IL15RA: variants seen among roughly 807,000 people sequenced by gnomAD.
The protein encoded by IL15RA is interleukin 15 receptor subunit alpha, also known as interleukin-15 receptor subunit alpha.
A neutral mutation model predicts 24.2 loss-of-function variants in IL15RA; 26 were observed. The observed-to-expected ratio is 1.07, with a 90% CI of 0.79 to 1.49. The LOEUF (loss-of-function observed/expected upper bound fraction) is 1.49, where lower values mean the gene tolerates loss of function less well. IL15RA is among the 40% of genes most tolerant of loss of function. IL15RA has a pLI of 0.00. For synonymous variants in IL15RA, 166 were observed against 157.6 expected (o/e 1.05, Z -0.40); for missense variants, 354 against 356.4 (o/e 0.99, Z 0.05).
rs1459742343 is a variant in IL15RA at position 5,956,305 on chromosome 10, G to A, written c.692+74C>T. 7.4e-6 allele frequency: 9 copies of A among 1,214,592 alleles called. No homozygotes were observed. In the Admixed American group the frequency reaches 9.0e-5, roughly 12 times the overall value. 75.2% of individuals were successfully genotyped at this position (1,214,592 alleles called of 1,614,324 possible). A position where few individuals can be genotyped will look rare whatever the true frequency, so the allele number is the denominator to read the frequency against. On this transcript the variant is annotated intron_variant, in intron 6 of 6. Transcript: ENST00000379977. ...GCTGGAATTCCAGGCGTGAGCTACC[G>A]CGCCCGGCCAGGTGCAGCTCTTTTC...
In IL15RA at chr10:5,960,610, T is replaced by TCCCC; in HGVS notation, c.383-47_383-44dup. The TCCCC allele has an allele frequency of 6.5e-7, 1 of 1,530,406 alleles. No homozygotes were observed. Among genetic ancestry groups the TCCCC allele is most frequent in the Non-Finnish European group, 9.0e-7 (1 of 1,109,220 alleles). The allele number at this position is 1,530,406 out of a possible 1,614,324, so 94.8% of individuals were successfully genotyped here. On this transcript the variant is annotated intron_variant, in intron 3 of 6. Coordinates refer to ENST00000379977, the MANE Select transcript of IL15RA (RefSeq NM_002189.4). This position sits in a 1 kb window ranked among gnomAD's most constrained non-coding sequence, Gnocchi z 5.1. ...GCAGGGACAACATCAGTGTGCAGAC[T>TCCCC]CCCCTCCTCTCAGCTGCAGCACGGG...
At chr10:5,956,873 C>T (rs1834602941) in intron 5 of IL15RA, among the ~76,000 whole-genome samples, 1 of 152,170 alleles carries the variant, frequency 6.6e-6, no homozygotes, top group Non-Finnish European at 1.5e-5. Context: ...CAGTACAACG[C>T]CCACTTTGCT....
chr10:5,949,234 CT>C (rs1833700688), downstream of IL15RA: 1 of 471,142 alleles, frequency 2.1e-6, no homozygotes, highest in Non-Finnish European at 4.4e-6. The surrounding 1 kb of genome is among the most constrained non-coding windows in gnomAD (Gnocchi z 4.4). Context: ...TCACTTTTCT[CT>C]GTGAGCTGCA....
In IL15RA at chr10:5,963,788, C is replaced by T; in HGVS notation, c.337G>A (p.Ala113Thr). 1.3e-6 allele frequency: 2 copies of T among 1,534,308 alleles called. No individual in the cohort carries two copies. Among genetic ancestry groups the T allele is most frequent in the Non-Finnish European group, 1.7e-6 (2 of 1,152,712 alleles). ...CTCTCTGGCTGTGGGGTCACCCCTGCCGTCGTTACTGTGGAGGGTGGCGCT... is the reference window on the plus strand; with the variant it reads ...CTCTCTGGCTGTGGGGTCACCCCTGTCGTCGTTACTGTGGAGGGTGGCGCT... The part of the protein sequence containing the change: ...RPAPPSTVTT[A>T]GVTPQPESLS... Residue 113 changes from alanine (A) to threonine (T), a missense_variant, in exon 3 of 7, where the codon GCA (alanine) becomes ACA (threonine). Transcript: ENST00000379977. This position sits in a 1 kb window ranked among gnomAD's most constrained non-coding sequence, Gnocchi z 5.3.
At chr10:5,956,484 C>T in intron 5 of IL15RA, 30 bp from the exon 6 acceptor site, 1 of 1,534,420 alleles carries the variant, frequency 6.5e-7, no homozygotes, top group Non-Finnish European at 9.0e-7. Context: ...GCTGAGATAC[C>T]CAGAAGCACA....
rs62626306 is a variant in IL15RA, at chr10:5,970,588, T to G, written c.89-4249A>C. The stretch of plus-strand genomic sequence containing the variant: ...GTTAATGTTTGAATGTACAAGGATA[T>G]CAATGTACTACAGCCAATCCAACCA... On this transcript the variant is annotated intron_variant, in intron 1 of 6. Transcript: ENST00000379977. This position sits in a 1 kb window ranked among gnomAD's most constrained non-coding sequence, Gnocchi z 4.1. Among the ~76,000 whole-genome samples the G allele has an allele frequency of 2.2e-4, 33 of 152,244 alleles. No homozygotes were observed. Among genetic ancestry groups the G allele is most frequent in the Non-Finnish European group, 4.3e-4 (29 of 68,016 alleles).
Position 5,955,319 on chromosome 10 carries a change from G to A in IL15RA, c.692+1060C>T, listed in dbSNP as rs1462328123. On this transcript the variant is annotated intron_variant, in intron 6 of 6. Transcript: ENST00000379977. This position sits in a 1 kb window ranked among gnomAD's most constrained non-coding sequence, Gnocchi z 5.3. ...TCTCCATGTTGGTCAGGCTGGTCTC[G>A]AACTCCTGACCTCACGCGATCTGCC... Among the ~76,000 whole-genome samples the A allele has an allele frequency of 6.6e-5, 10 of 151,972 alleles. No homozygotes were observed. Among genetic ancestry groups the A allele is most frequent in the Non-Finnish European group, 1.2e-4 (8 of 67,982 alleles).
intron 5 of IL15RA, among the ~76,000 whole-genome samples, chr10:5,957,493 C>A (rs139745513): frequency 0.015 from 2,300 of 151,880 alleles, 43 homozygotes; most frequent in South Asian, 0.061. Flanking sequence ...GCAGGCTGGT[C>A]TTGAACTCCT....
At position 5,961,272 on chromosome 10, in the gene IL15RA, C is replaced by T. The variant is rs1049927656; in HGVS notation, c.383-705G>A. Among the ~76,000 whole-genome samples, 2 of 152,104 alleles carry T rather than the reference C, an allele frequency of 1.3e-5. No individual in the cohort carries two copies. Among genetic ancestry groups the T allele is most frequent in the African/African-American group, 4.8e-5 (2 of 41,426 alleles). ...CGATAAATTATCCAGGTGTGGTGGG[C>T]ATGTGCCTATAGTTCCAGCTATCTG... On this transcript the variant is annotated intron_variant, in intron 3 of 6. Transcript: ENST00000379977. The surrounding 1 kb of genome is among the most constrained non-coding windows in gnomAD (Gnocchi z 5.2).
chr10:5,968,267 C>A lies in IL15RA; in HGVS notation c.89-1928G>T, dbSNP rs1256289885. Among the ~76,000 whole-genome samples the A allele has an allele frequency of 1.3e-5, 2 of 152,126 alleles. No homozygotes were observed. The highest frequency in any genetic ancestry group is 2.9e-5 in the Non-Finnish European group (2 of 68,024). On this transcript the variant is annotated intron_variant, in intron 1 of 6. Transcript: ENST00000379977. This position sits in a 1 kb window ranked among gnomAD's most constrained non-coding sequence, Gnocchi z 5.4. ...TAAGTCCACACAAAAACATCCCAAA[C>A]CTCACTAACACATCCCTGTTAGAAT...
At chr10:5,956,957 A>ATTTTT (rs767909938) in intron 5 of IL15RA, among the ~76,000 whole-genome samples, 3 of 127,678 alleles carry the variant, frequency 2.3e-5, no homozygotes, top group Non-Finnish European at 3.2e-5. Flanking sequence ...TTCACTTGCA[A>ATTTTT]TTTTTTTTTT....
At chr10:5,950,446 G>C (rs1164519666), downstream of IL15RA, among the ~76,000 whole-genome samples, 1 of 152,168 alleles carries the variant, frequency 6.6e-6, no homozygotes, top group African/African-American at 2.4e-5. The surrounding 1 kb of genome is among the most constrained non-coding windows in gnomAD (Gnocchi z 5.6). Flanking sequence ...GCACCTGGCA[G>C]ATGCTGACCT....
At position 5,967,181 on chromosome 10, in the gene IL15RA, G is replaced by GCCTTGCCTTACCTTGCCTTA. The variant is rs200373854; in HGVS notation, c.89-862_89-843dup. ...GCAAGATCGGGCCTTGCCTTGTCTT[G>GCCTTGCCTTACCTTGCCTTA]CCTTGCCTTACCTTGCCTTACCTTG... On this transcript the variant is annotated intron_variant, in intron 1 of 6. Coordinates refer to ENST00000379977, the MANE Select transcript of IL15RA (RefSeq NM_002189.4). This position sits in a 1 kb window ranked among gnomAD's most constrained non-coding sequence, Gnocchi z 4.4. Among the ~76,000 whole-genome samples the GCCTTGCCTTACCTTGCCTTA allele has an allele frequency of 6.6e-5, 10 of 152,094 alleles. No individual in the cohort carries two copies. The highest frequency in any genetic ancestry group is 1.2e-4 in the Non-Finnish European group (8 of 68,040).
In IL15RA at chr10:5,968,943, G is replaced by A. The variant is rs771554089; in HGVS notation, c.89-2604C>T. The A allele has an allele frequency of 3.3e-6, 5 of 1,534,054 alleles. No homozygotes were observed. Among genetic ancestry groups the A allele is most frequent in the Non-Finnish European group, 4.4e-6 (5 of 1,145,512 alleles). On this transcript the variant is annotated intron_variant, in intron 1 of 6. Coordinates refer to ENST00000379977, the MANE Select transcript of IL15RA (RefSeq NM_002189.4). This position sits in a 1 kb window ranked among gnomAD's most constrained non-coding sequence, Gnocchi z 5.4. Reference sequence around the variant, plus strand: ...GTCTCTTGCATCTGTAACAGGTTTTGTACAGGAAGTGTTCCCTGCCCATTT... The same window carrying A: ...GTCTCTTGCATCTGTAACAGGTTTTATACAGGAAGTGTTCCCTGCCCATTT...
Position 5,970,885 on chromosome 10 carries a change from C to T in IL15RA, c.89-4546G>A, listed in dbSNP as rs1038480671. On this transcript the variant is annotated intron_variant, in intron 1 of 6. Coordinates refer to ENST00000379977, the MANE Select transcript of IL15RA (RefSeq NM_002189.4). The surrounding 1 kb of genome is among the most constrained non-coding windows in gnomAD (Gnocchi z 4.1). ...AAGCAATCCTCCTGCCTCAGCCTCC[C>T]GAGTAGCTGGGACTAGAGGCACATG... Among the ~76,000 whole-genome samples, 6 of 151,968 alleles carry T rather than the reference C, an allele frequency of 3.9e-5. No individual in the cohort carries two copies. Among genetic ancestry groups the T allele is most frequent in the South Asian group, 2.1e-4 (1 of 4,820 alleles).
chr10:5,949,529 A>T (rs981843037), downstream of IL15RA, among the ~76,000 whole-genome samples: 9 of 152,192 alleles, frequency 5.9e-5, no homozygotes, highest in East Asian at 3.9e-4. This position sits in a 1 kb window ranked among gnomAD's most constrained non-coding sequence, Gnocchi z 4.4. Context: ...GTACTCGGGG[A>T]GTCCGCTCTG....
chr10:5,963,256 G>T lies in IL15RA; in HGVS notation c.382+487C>A, dbSNP rs1835899720. 6.6e-6 allele frequency among the ~76,000 whole-genome samples: 1 copy of T among 152,230 alleles called. No homozygotes were observed. The highest frequency in any genetic ancestry group is 2.1e-4 in the South Asian group (1 of 4,836). On this transcript the variant is annotated intron_variant, in intron 3 of 6. Coordinates refer to ENST00000379977, the MANE Select transcript of IL15RA (RefSeq NM_002189.4). The surrounding 1 kb of genome is among the most constrained non-coding windows in gnomAD (Gnocchi z 5.3). ...GGAAGCCCAGGCTTCCTCTCCCACAGTGCAGCCCGCTGAGTGGACAGGCAT... is the reference window on the plus strand; with the variant it reads ...GGAAGCCCAGGCTTCCTCTCCCACATTGCAGCCCGCTGAGTGGACAGGCAT...
Position 5,960,113 on chromosome 10 carries a change from T to C in IL15RA, c.583+254A>G, listed in dbSNP as rs1436183750. 6.6e-6 allele frequency among the ~76,000 whole-genome samples: 1 copy of C among 152,092 alleles called. No homozygotes were observed. The highest frequency in any genetic ancestry group is 6.6e-5 in the Admixed American group (1 of 15,266). ...ACTCCCAGCTGCACAGGCTCTGCCA[T>C]GCGGGTGATAAGGCTGGCCCTGTCA... is the stretch of plus-strand genomic sequence containing the variant. On this transcript the variant is annotated intron_variant, in intron 4 of 6. Transcript: ENST00000379977. This position sits in a 1 kb window ranked among gnomAD's most constrained non-coding sequence, Gnocchi z 5.1.
chr10:5,970,728 A>G lies in IL15RA; in HGVS notation c.89-4389T>C, dbSNP rs1171184745. Among the ~76,000 whole-genome samples, 1 of 146,594 alleles carries G rather than the reference A, an allele frequency of 6.8e-6. No individual in the cohort carries two copies. The highest frequency in any genetic ancestry group is 2.5e-5 in the African/African-American group (1 of 39,416). The stretch of plus-strand genomic sequence containing the variant: ...TTTATTTTTAAAATGATTTTATTTT[A>G]TTTCATTATTATTTTATTTTATTTT... On this transcript the variant is annotated intron_variant, in intron 1 of 6. Transcript: ENST00000379977. The surrounding 1 kb of genome is among the most constrained non-coding windows in gnomAD (Gnocchi z 4.1).
Sources: allele counts gnomAD v4.1 joint callset (sites outside exome capture counted in the v4.1 genomes callset), GRCh38; gene constraint gnomAD v4.1.1; non-coding constraint Gnocchi (gnomAD v3.1); transcripts MANE v1.5; gene names NCBI Gene and HGNC (gene_info 2026-07-23, HGNC 2026-07-21).